SPMIP11: variants seen among roughly 807,000 people sequenced by gnomAD.
SPMIP11 encodes long intergenic non-protein coding RNA 935.
the SPMIP11 span, among the ~76,000 whole-genome samples, chr12:48,752,762 C>T: frequency 1.3e-5 from 2 of 151,322 alleles, no homozygotes; most frequent in South Asian, 2.1e-4. Context: ...ACCTCCGCCT[C>T]CCGGGTTCAA....
At chr12:48,761,146 T>C in the SPMIP11 span, among the ~76,000 whole-genome samples, 1 of 150,552 alleles carries the variant, frequency 6.6e-6, no homozygotes, top group South Asian at 2.1e-4. Flanking sequence ...CATGGTGAAA[T>C]CCCATCTATA....
chr12:48,743,230 T>TAAAAAAAAAAAAAAAAA, the SPMIP11 span, among the ~76,000 whole-genome samples: 1 of 121,366 alleles, frequency 8.2e-6, no homozygotes, highest in African/African-American at 3.0e-5. Flanking sequence ...CCATCTCTAC[T>TAAAAAAAAAAAAAAAAA]AAAAAAAAAA....
the SPMIP11 span, among the ~76,000 whole-genome samples, chr12:48,763,134 T>C: frequency 5.9e-4 from 90 of 152,246 alleles, no homozygotes; most frequent in Middle Eastern, 0.014. Flanking sequence ...GAAAGAGGGG[T>C]AGTAAGTTAT....
the SPMIP11 span, among the ~76,000 whole-genome samples, chr12:48,756,474 G>A: frequency 6.6e-6 from 1 of 152,150 alleles, no homozygotes; most frequent in Non-Finnish European, 1.5e-5. Context: ...AGATTTAATT[G>A]GAAGGCAAAC....
chr12:48,771,084 G>C, the SPMIP11 span: 1 of 1,047,980 alleles, frequency 9.5e-7, no homozygotes. The surrounding 1 kb of genome is among the most constrained non-coding windows in gnomAD (Gnocchi z 4.3). Flanking sequence ...TGTCTCAAGA[G>C]CCCCCTTCCA....
the SPMIP11 span, among the ~76,000 whole-genome samples, chr12:48,745,395 A>C: frequency 6.6e-6 from 1 of 152,132 alleles, no homozygotes. Context: ...ATTTGAGGTC[A>C]GGAGTTCGAG....
chr12:48,743,606 A>G, the SPMIP11 span, among the ~76,000 whole-genome samples: 3 of 152,118 alleles, frequency 2.0e-5, no homozygotes, highest in Admixed American at 6.6e-5. Flanking sequence ...CAGGAGTTCA[A>G]GACCAGCCTG....
chr12:48,771,058 G>A, the SPMIP11 span: 1 of 1,331,642 alleles, frequency 7.5e-7, no homozygotes, highest in Non-Finnish European at 1.0e-6. This position sits in a 1 kb window ranked among gnomAD's most constrained non-coding sequence, Gnocchi z 4.3. Context: ...CGCCTTGGCT[G>A]CCTTCCCCAC....
the SPMIP11 span, among the ~76,000 whole-genome samples, chr12:48,745,967 C>A: frequency 1.3e-5 from 2 of 152,282 alleles, no homozygotes; most frequent in African/African-American, 4.8e-5. Flanking sequence ...CTAAGTAAAG[C>A]ACCAAGCCAG....
the SPMIP11 span, chr12:48,765,830 G>A: frequency 1.7e-6 from 1 of 602,838 alleles, no homozygotes; most frequent in African/African-American, 1.8e-5. Context: ...GGTCAGGATG[G>A]GAGTGATTCC....
chr12:48,765,092 A>C, the SPMIP11 span: 3 of 616,036 alleles, frequency 4.9e-6, no homozygotes, highest in Non-Finnish European at 8.8e-6. Flanking sequence ...TCAGTTAGGG[A>C]ATTAGGAGAG....
chr12:48,748,885 G>T, the SPMIP11 span, among the ~76,000 whole-genome samples: 3 of 152,004 alleles, frequency 2.0e-5, no homozygotes, highest in Admixed American at 6.6e-5. Flanking sequence ...CTCCATTTTT[G>T]ACCAGATCCC....
chr12:48,742,800 G>T, the SPMIP11 span, among the ~76,000 whole-genome samples: 7 of 151,718 alleles, frequency 4.6e-5, 1 homozygote, highest in Non-Finnish European at 2.9e-5. Flanking sequence ...CAGGAGGATC[G>T]CTTGAACCCA....
At chr12:48,736,260 AAATTAGCC>A in the SPMIP11 span, 2 of 308,174 alleles carry the variant, frequency 6.5e-6, no homozygotes, top group African/African-American at 4.6e-5. Flanking sequence ...AAACACACGA[AAATTAGCC>A]AGGCGTGGTG....
At chr12:48,753,985 G>A in the SPMIP11 span, among the ~76,000 whole-genome samples, 1 of 152,064 alleles carries the variant, frequency 6.6e-6, no homozygotes, top group African/African-American at 2.4e-5. Context: ...TTACAGGCAT[G>A]AGCCACTGTC....
chr12:48,763,087 C>T, the SPMIP11 span, among the ~76,000 whole-genome samples: 1 of 152,114 alleles, frequency 6.6e-6, no homozygotes, highest in Non-Finnish European at 1.5e-5. Flanking sequence ...AAGTTTAAAA[C>T]CTAAAATACT....
the SPMIP11 span, among the ~76,000 whole-genome samples, chr12:48,756,118 C>T: frequency 6.6e-6 from 1 of 151,766 alleles, no homozygotes; most frequent in Non-Finnish European, 1.5e-5. Context: ...CTCCTGACCT[C>T]GTGATCCGCC....
At chr12:48,736,822 T>C in the SPMIP11 span, among the ~76,000 whole-genome samples, 1 of 152,174 alleles carries the variant, frequency 6.6e-6, no homozygotes, top group African/African-American at 2.4e-5. Context: ...TCACACTTGA[T>C]TGACAGTTTT....
chr12:48,740,074 C>A, the SPMIP11 span, among the ~76,000 whole-genome samples: 2 of 152,084 alleles, frequency 1.3e-5, no homozygotes, highest in African/African-American at 4.8e-5. Flanking sequence ...AGGTTAATAT[C>A]ATTGTGATGA....
Sources: gnomAD v4.1 joint callset for allele counts (sites outside exome capture counted in the v4.1 genomes callset) on GRCh38, gnomAD v4.1.1 for gene constraint, Gnocchi (gnomAD v3.1) non-coding constraint, MANE v1.5 for transcripts, NCBI Gene and HGNC (gene_info 2026-07-23, HGNC 2026-07-21) for gene names.